DGKD: variants seen among roughly 807,000 people sequenced by gnomAD.
The protein encoded by DGKD is diacylglycerol kinase delta.
DGKD carries 68 observed loss-of-function variants against 154.4 expected under a neutral mutation model. That is an observed-to-expected ratio of 0.44 (90% CI 0.36 to 0.54). The LOEUF is 0.54. Among genes scored for constraint, DGKD ranks in the 20% least tolerant of loss-of-function variants. The pLI, the probability that DGKD is intolerant of heterozygous loss-of-function variation, is 0.00. For missense variants in DGKD, 1,343 were observed against 1,593.6 expected (o/e 0.84, Z 2.68); for synonymous variants, 693 against 638.0 (o/e 1.09, Z -1.30).
At chr2:233,360,899 A>C (rs1680301838) in intron 1 of DGKD, among the ~76,000 whole-genome samples, 2 of 151,996 alleles carry the variant, frequency 1.3e-5, no homozygotes, top group Non-Finnish European at 2.9e-5. Flanking sequence ...AACAGATGGA[A>C]TCTCCCCTAG....
chr2:233,469,582 C>G lies in DGKD; in HGVS notation c.*122C>G. ...CCCTGGGCAGATGCTGCAGCCCGCC[C>G]CCTTCTCATGGTGCTACTTCCTCTG... On this transcript the variant is annotated 3_prime_UTR_variant, in exon 30 of 30. Transcript: ENST00000264057. 1.3e-6 allele frequency: 1 copy of G among 794,518 alleles called. No homozygotes were observed. The highest frequency in any genetic ancestry group is 2.0e-6 in the Non-Finnish European group (1 of 491,242). 49.2% of individuals were successfully genotyped at this position (794,518 alleles called of 1,614,324 possible).
At chr2:233,384,204 C>T (rs916000278) in intron 1 of DGKD, among the ~76,000 whole-genome samples, 6 of 152,162 alleles carry the variant, frequency 3.9e-5, no homozygotes, top group African/African-American at 1.2e-4. Context: ...GGCAGGTCCT[C>T]GGTGACCCCC....
chr2:233,405,911 G>T (rs1019553853), intron 3 of DGKD, among the ~76,000 whole-genome samples: 3 of 152,208 alleles, frequency 2.0e-5, no homozygotes, highest in African/African-American at 4.8e-5. Context: ...GTTAGAGTTA[G>T]GTTTAGCTAC....
In DGKD at chr2:233,464,190, G is replaced by T; in HGVS notation, c.3213G>T (p.Gln1071His). The T allele has an allele frequency of 6.2e-7, 1 of 1,613,622 alleles. No homozygotes were observed. The highest frequency in any genetic ancestry group is 1.6e-4 in the Middle Eastern group (1 of 6,062). ...ALQLDPPQKE[Q>H]LGSALAEMDR... ...AGCTGGATCCGCCTCAGAAGGAGCA[G>T]CTGGGGAGTGCTCTTGCCGAGATGG... Residue 1071 changes from glutamine to histidine, a missense_variant, in exon 27 of 30, where the codon CAG becomes CAT. Gln to His is a conservative substitution (Grantham distance 24). Coordinates refer to ENST00000264057, the MANE Select transcript of DGKD (RefSeq NM_152879.3).
intron 3 of DGKD, among the ~76,000 whole-genome samples, chr2:233,419,027 C>T (rs2062034089): frequency 1.3e-5 from 2 of 152,162 alleles, no homozygotes; most frequent in South Asian, 4.1e-4. Flanking sequence ...AATGGTCTGT[C>T]TCTGGGGGCT....
chr2:233,395,590 C>T (rs1244668072), intron 3 of DGKD, among the ~76,000 whole-genome samples: 1 of 145,450 alleles, frequency 6.9e-6, no homozygotes, highest in Non-Finnish European at 1.5e-5. Flanking sequence ...TTTTTCTCCT[C>T]CCCTCCCCTC....
At chr2:233,462,195 G>A (rs1056369133) in intron 24 of DGKD, among the ~76,000 whole-genome samples, 153 bp from the exon 25 acceptor site, 3 of 152,200 alleles carry the variant, frequency 2.0e-5, no homozygotes, top group Non-Finnish European at 2.9e-5. Flanking sequence ...TGACTGAACG[G>A]TCGCTGGGCT....
At chr2:233,395,282 C>G (rs1028536098) in intron 3 of DGKD, among the ~76,000 whole-genome samples, 1 of 152,124 alleles carries the variant, frequency 6.6e-6, no homozygotes, top group African/African-American at 2.4e-5. Flanking sequence ...GTAATCTTCC[C>G]ACTTCAGCCT....
rs115260090 is a variant in DGKD at position 233,462,199 on chromosome 2, C to T, written c.2982-149C>T. 690 of 597,692 alleles carry T rather than the reference C, an allele frequency of 1.2e-3. 1 individual carries two copies. Among genetic ancestry groups the T allele is most frequent in the Non-Finnish European group, 1.8e-3 (608 of 342,816 alleles). 37.0% of individuals were successfully genotyped at this position (597,692 alleles called of 1,614,324 possible). A position where few individuals can be genotyped will look rare whatever the true frequency, so the allele number is the denominator to read the frequency against. On this transcript the variant is annotated intron_variant, in intron 24 of 29. Transcript: ENST00000264057. ...GCCCAAGCTTGTGACTGAACGGTCG[C>T]TGGGCTGAGCCACGATCCCTGTCGT...
At chr2:233,411,872 A>G (rs574842721) in intron 3 of DGKD, among the ~76,000 whole-genome samples, 1 of 152,332 alleles carries the variant, frequency 6.6e-6, no homozygotes, top group East Asian at 1.9e-4. Flanking sequence ...TTGAAGATAC[A>G]TTCCATTCCT....
chr2:233,432,369 CA>C (rs1199408711), intron 3 of DGKD, among the ~76,000 whole-genome samples: 8 of 136,952 alleles, frequency 5.8e-5, no homozygotes, highest in African/African-American at 2.3e-4. Flanking sequence ...ACTAAAAATA[CA>C]AAAAATTAGC....
chr2:233,401,958 TA>T (rs1195294404), intron 3 of DGKD, among the ~76,000 whole-genome samples: 3 of 128,222 alleles, frequency 2.3e-5, no homozygotes, highest in African/African-American at 9.0e-5. Context: ...GCAAGCACTA[TA>T]AACCATCGAG....
At chr2:233,398,691 C>T (rs1368376661) in intron 3 of DGKD, among the ~76,000 whole-genome samples, 4 of 152,188 alleles carry the variant, frequency 2.6e-5, no homozygotes, top group South Asian at 2.1e-4. Context: ...GTGATGCGAT[C>T]TCAGCTCACT....
intron 1 of DGKD, among the ~76,000 whole-genome samples, chr2:233,387,408 C>A (rs185868184): frequency 1.3e-5 from 2 of 152,262 alleles, no homozygotes; most frequent in East Asian, 1.9e-4. Context: ...GAGCCAGGTT[C>A]TTGTCTTCAT....
chr2:233,411,178 A>G (rs185878066), intron 3 of DGKD, among the ~76,000 whole-genome samples: 1 of 152,300 alleles, frequency 6.6e-6, no homozygotes, highest in Non-Finnish European at 1.5e-5. Context: ...TTGTGTGGAC[A>G]TATTTTCATT....
intron 26 of DGKD, 93 bp from the exon 27 acceptor site, chr2:233,464,071 C>A: frequency 1.9e-6 from 3 of 1,550,872 alleles, no homozygotes; most frequent in Non-Finnish European, 2.6e-6. Flanking sequence ...CAGAGCAGAG[C>A]AGAGCCCTGG....
chr2:233,464,219 G>A lies in DGKD; in HGVS notation c.3242G>A (p.Arg1081Gln), dbSNP rs768391347. The change falls in exon 27 of 30, where the codon CGA becomes CAA. Residue 1081 changes from arginine to glutamine, a missense_variant. Arg to Gln is a conservative substitution (Grantham distance 43). Transcript: ENST00000264057. ...GGGAGTGCTCTTGCCGAGATGGACC[G>A]ACAGCTCAGGAGGCTGGCAGACACC... The part of the protein sequence containing the change: ...QLGSALAEMD[R>Q]QLRRLADTPW... 1.5e-5 allele frequency: 24 copies of A among 1,613,526 alleles called. No individual in the cohort carries two copies. The highest frequency in any genetic ancestry group is 1.8e-5 in the Non-Finnish European group (21 of 1,180,042).
At chr2:233,367,716 T>A (rs1041246231) in intron 1 of DGKD, among the ~76,000 whole-genome samples, 2 of 152,178 alleles carry the variant, frequency 1.3e-5, no homozygotes, top group Admixed American at 6.5e-5. Context: ...ATTTTGGGCA[T>A]ATCCCTAAAT....
Position 233,450,079 on chromosome 2 carries a change from A to G in DGKD, c.1986A>G (p.Pro662=). The G allele has an allele frequency of 6.2e-7, 1 of 1,613,858 alleles. No individual in the cohort carries two copies. Among genetic ancestry groups the G allele is most frequent in the South Asian group, 1.1e-5 (1 of 91,066 alleles). The stretch of plus-strand genomic sequence containing the variant: ...AGATGGACCACAGAGTGTGCCCACC[A>G]CTGTCCCACAGCGAGAGCTTCGGGG... ...EEKMDHRVCP[P]LSHSESFGVP... Residue 662 remains proline, a synonymous_variant, in exon 16 of 30, where the codon CCA becomes CCG. Coordinates refer to ENST00000264057, the MANE Select transcript of DGKD (RefSeq NM_152879.3).
Sources: allele counts gnomAD v4.1 joint callset (sites outside exome capture counted in the v4.1 genomes callset), GRCh38; gene constraint gnomAD v4.1.1; transcripts MANE v1.5; gene names NCBI Gene and HGNC (gene_info 2026-07-23, HGNC 2026-07-21).